The following HTR2C variants were observed in gnomAD, a reference collection of about 807,000 sequenced individuals.
The protein encoded by HTR2C is 5-hydroxytryptamine receptor 2C.
In HTR2C, 5 loss-of-function variants were observed where a neutral mutation model predicts 21.0. That is an observed-to-expected ratio of 0.24 (90% CI 0.12 to 0.50). The LOEUF (loss-of-function observed/expected upper bound fraction) is 0.50, where lower values mean the gene tolerates loss of function less well. Ranked by LOEUF, HTR2C falls within the 20% of genes least tolerant of loss-of-function variation. The probability of loss-of-function intolerance (pLI) is 0.98; values close to 1 mark genes in which losing one functional copy is unlikely to be tolerated. For synonymous variants in HTR2C, 150 were observed against 145.3 expected (o/e 1.03, Z -0.23); for missense variants, 271 against 371.2 (o/e 0.73, Z 2.22).
At chrX:114,692,099 A>T (rs1556415184) in intron 2 of HTR2C, among the ~76,000 whole-genome samples, 1 of 111,981 alleles carries the variant, frequency 8.9e-6, no homozygotes, top group African/African-American at 3.2e-5. Context: ...TAGTTTGACT[A>T]TTAGACAATC....
intron 3 of HTR2C, 65 bp downstream of exon 3, chrX:114,727,036 G>A: frequency 1.8e-5 from 12 of 673,903 alleles, no homozygotes; most frequent in South Asian, 1.5e-4. Context: ...TGCTCAACAT[G>A]TTAAAAAAAT....
intron 4 of HTR2C, among the ~76,000 whole-genome samples, chrX:114,806,187 CACCATATATAT>C (rs1395792439): frequency 1.4e-4 from 14 of 99,079 alleles, no homozygotes; most frequent in African/African-American, 4.7e-4. Context: ...CCTATATATA[CACCATATATAT>C]ACCATATATA....
chrX:114,650,613 TTTC>T (rs369380619), intron 2 of HTR2C, among the ~76,000 whole-genome samples: 174 of 112,011 alleles, frequency 1.6e-3, no homozygotes, highest in African/African-American at 4.8e-3. Context: ...CTCACTCCCA[TTTC>T]TTGTGTTGAT....
At chrX:114,599,754 A>T (rs1556393840) in intron 1 of HTR2C, among the ~76,000 whole-genome samples, 3 of 112,450 alleles carry the variant, frequency 2.7e-5, no homozygotes. Flanking sequence ...TGAAACATTC[A>T]CATATGTTAC....
intron 5 of HTR2C, among the ~76,000 whole-genome samples, chrX:114,850,905 T>A (rs905668745): frequency 9.0e-6 from 1 of 110,768 alleles, no homozygotes; most frequent in Admixed American, 9.6e-5. Context: ...AACAAAAAAA[T>A]TCCTCCATCT....
At chrX:114,874,490 G>C (rs781807367) in intron 5 of HTR2C, among the ~76,000 whole-genome samples, 1 of 110,468 alleles carries the variant, frequency 9.1e-6, no homozygotes, top group African/African-American at 3.3e-5. Context: ...ACAGGTATGA[G>C]GTGACAGCTC....
chrX:114,626,397 A>G (rs1929380222), intron 2 of HTR2C, among the ~76,000 whole-genome samples: 1 of 2,735 alleles, frequency 3.7e-4, no homozygotes, highest in African/African-American at 3.9e-4. Context: ...ACAAAAAAAA[A>G]AAAAGAAAAA....
At chrX:114,741,303 G>C (rs2069642634) in intron 4 of HTR2C, among the ~76,000 whole-genome samples, 2 of 107,080 alleles carry the variant, frequency 1.9e-5, no homozygotes, top group Non-Finnish European at 1.9e-5. Context: ...GGCAGATCAC[G>C]AGGTCAGGAG....
At chrX:114,895,144 A>G (rs1430094715) in intron 5 of HTR2C, among the ~76,000 whole-genome samples, 1 of 112,271 alleles carries the variant, frequency 8.9e-6, no homozygotes, top group African/African-American at 3.2e-5. Flanking sequence ...AAGCATATAG[A>G]AAGTGTACAT....
chrX:114,881,697 T>A (rs1556479883), intron 5 of HTR2C, among the ~76,000 whole-genome samples: 1 of 110,586 alleles, frequency 9.0e-6, no homozygotes, highest in Admixed American at 9.7e-5. Flanking sequence ...CATTTATCTA[T>A]ATGTCTATAT....
rs142424390 is a variant in HTR2C, at chrX:114,634,063, C to G, written c.-80+20182C>G. On this transcript the variant is annotated intron_variant, in intron 2 of 5. Transcript: ENST00000276198. ...TAATAGAAGGTACTTGTTTCCCTTA[C>G]TACTTCCTCCATTACTTATCTCAAT... 6.7e-3 allele frequency among the ~76,000 whole-genome samples: 738 copies of G among 109,620 alleles called. 4 individuals carry two copies. Among genetic ancestry groups the G allele is most frequent in the Non-Finnish European group, 0.012 (631 of 52,644 alleles).
intron 2 of HTR2C, among the ~76,000 whole-genome samples, chrX:114,725,982 T>G (rs1215403855): frequency 1.4e-4 from 15 of 110,347 alleles, no homozygotes; most frequent in African/African-American, 4.6e-4. Context: ...GTCTGTGCCC[T>G]GCCCCCAGAG....
chrX:114,838,099 G>A (rs782646917), intron 4 of HTR2C, among the ~76,000 whole-genome samples: 187 of 111,125 alleles, frequency 1.7e-3, no homozygotes, highest in African/African-American at 5.8e-3. Flanking sequence ...TTGCATTCCT[G>A]GAAGAACTCT....
intron 2 of HTR2C, among the ~76,000 whole-genome samples, chrX:114,672,607 G>C (rs1931421804): frequency 9.0e-6 from 1 of 111,529 alleles, no homozygotes; most frequent in African/African-American, 3.3e-5. Context: ...TGATATGAGA[G>C]TTAAATGGAA....
intron 4 of HTR2C, among the ~76,000 whole-genome samples, chrX:114,806,859 G>A (rs919814362): frequency 8.9e-5 from 8 of 89,624 alleles, no homozygotes; most frequent in East Asian, 7.1e-4. Context: ...TATATATACC[G>A]TATATATACC....
intron 4 of HTR2C, among the ~76,000 whole-genome samples, chrX:114,843,116 T>C (rs1194140258): frequency 1.8e-5 from 2 of 111,471 alleles, no homozygotes; most frequent in Non-Finnish European, 3.8e-5. Context: ...CAAAATAGAA[T>C]AGAAACTGAT....
chrX:114,675,416 G>A (rs1931518294), intron 2 of HTR2C, among the ~76,000 whole-genome samples: 1 of 112,039 alleles, frequency 8.9e-6, no homozygotes, highest in South Asian at 3.7e-4. Context: ...CAGGTTTTTA[G>A]TCAATGATCT....
At chrX:114,705,506 T>C (rs2147314565) in intron 2 of HTR2C, among the ~76,000 whole-genome samples, 1 of 108,690 alleles carries the variant, frequency 9.2e-6, no homozygotes, top group South Asian at 4.1e-4. Flanking sequence ...GCTAGCCATA[T>C]GTAGAAAGCT....
At chrX:114,796,139 T>C (rs1602794722) in intron 4 of HTR2C, among the ~76,000 whole-genome samples, 3 of 111,725 alleles carry the variant, frequency 2.7e-5, no homozygotes, top group South Asian at 7.4e-4. Flanking sequence ...CCTAAGTAGC[T>C]GCAAACATCT....
Sources: gnomAD v4.1 joint callset for allele counts (sites outside exome capture counted in the v4.1 genomes callset) on GRCh38, gnomAD v4.1.1 for gene constraint, MANE v1.5 for transcripts, NCBI Gene and HGNC (gene_info 2026-07-23, HGNC 2026-07-21) for gene names.